Variants in NARS1 observed in about 807,000 individuals in gnomAD.
NARS1 encodes asparaginyl-tRNA synthetase 1, also known as asparagine--tRNA ligase, cytoplasmic.
NARS1 carries 65 observed loss-of-function variants against 79.2 expected under a neutral mutation model. The ratio of observed to expected loss-of-function variants is 0.82; its 90% CI spans 0.67 to 1.01. NARS1 has a LOEUF of 1.01. Among genes scored for constraint, NARS1 ranks in the 50% least tolerant of loss-of-function variants. The pLI is 0.00. For synonymous variants in NARS1, 229 were observed against 238.8 expected (o/e 0.96, Z 0.38); for missense variants, 649 against 673.8 (o/e 0.96, Z 0.41).
intron 11 of NARS1, among the ~76,000 whole-genome samples, chr18:57,603,489 T>C (rs1460238038): frequency 6.6e-6 from 1 of 151,892 alleles, no homozygotes; most frequent in Non-Finnish European, 1.5e-5. Flanking sequence ...ATAAGACAAA[T>C]AACCAATGTC....
chr18:57,613,254 G>A (rs751275936), intron 5 of NARS1, among the ~76,000 whole-genome samples: 2 of 151,858 alleles, frequency 1.3e-5, no homozygotes, highest in Non-Finnish European at 2.9e-5. Flanking sequence ...AGCACTTTGG[G>A]AGGCCAAGAC....
At chr18:57,607,954 G>A (rs1219986260) in intron 7 of NARS1, among the ~76,000 whole-genome samples, 4 of 149,152 alleles carry the variant, frequency 2.7e-5, no homozygotes, top group African/African-American at 5.0e-5. Flanking sequence ...AGCAACCTCC[G>A]CCTCCTGGGT....
intron 9 of NARS1, 52 bp from the exon 10 acceptor site, chr18:57,606,803 T>C (rs2051561905): frequency 6.2e-7 from 1 of 1,606,030 alleles, no homozygotes; most frequent in Non-Finnish European, 8.5e-7. Context: ...ACTGGTTTTT[T>C]ATCCAGCAAG....
chr18:57,621,110 T>G (rs1352441247), intron 1 of NARS1, among the ~76,000 whole-genome samples: 8 of 152,254 alleles, frequency 5.3e-5, no homozygotes, highest in Non-Finnish European at 1.0e-4. Flanking sequence ...AAATCAGATA[T>G]CCCAGTGCCA....
intron 7 of NARS1, among the ~76,000 whole-genome samples, chr18:57,608,068 A>G (rs1352055626): frequency 2.0e-5 from 3 of 149,798 alleles, no homozygotes; most frequent in African/African-American, 7.3e-5. Flanking sequence ...GGGTTTCACC[A>G]TGTTGGCAAA....
At chr18:57,610,540 G>C (rs1430391103) in intron 6 of NARS1, among the ~76,000 whole-genome samples, 1 of 152,148 alleles carries the variant, frequency 6.6e-6, no homozygotes, top group Non-Finnish European at 1.5e-5. Flanking sequence ...AAAGAACACA[G>C]CTTTGCCCAT....
chr18:57,609,430 T>C lies in NARS1; in HGVS notation c.506A>G (p.Asn169Ser), dbSNP rs576594488. 168 of 1,613,530 alleles carry C rather than the reference T, an allele frequency of 1.0e-4. No individual in the cohort carries two copies. The highest frequency in any genetic ancestry group is 1.6e-4 in the Middle Eastern group (1 of 6,082). Residue 169 changes from asparagine to serine, a missense_variant, in exon 7 of 14, where the codon AAT becomes AGT. Physicochemically the swap from Asn to Ser is conservative, Grantham distance 46 (BLOSUM62 1). Coordinates refer to ENST00000256854, the MANE Select transcript of NARS1 (RefSeq NM_004539.4). ...GCTCTCCGTGGACAAGAGAACTCCATTGTAGCACTGACACTATAAAAAGGT... is the reference window on the plus strand; with the variant it reads ...GCTCTCCGTGGACAAGAGAACTCCACTGTAGCACTGACACTATAAAAAGGT... Reference protein sequence around the residue: ...VLADELCQCYNGVLLSTESSV... With the variant: ...VLADELCQCYSGVLLSTESSV...
intron 11 of NARS1, 103 bp downstream of exon 11, chr18:57,605,754 T>C: frequency 1.3e-6 from 1 of 745,500 alleles, no homozygotes; most frequent in East Asian, 2.8e-5. Context: ...TACCATTTAT[T>C]TGAGGACAGG....
intron 4 of NARS1, among the ~76,000 whole-genome samples, chr18:57,614,904 G>A (rs2051635048): frequency 6.6e-6 from 1 of 152,126 alleles, no homozygotes; most frequent in Non-Finnish European, 1.5e-5. Context: ...GGCCAGGCAT[G>A]GTGGCTCACG....
At chr18:57,607,751 G>A in intron 7 of NARS1, 86 bp from the exon 8 acceptor site, 6 of 1,155,736 alleles carry the variant, frequency 5.2e-6, no homozygotes, top group Non-Finnish European at 7.2e-6. Flanking sequence ...TTATGTCAAA[G>A]TTTTGGTAAG....
rs1414623522 is a variant in NARS1, at chr18:57,609,379, T to A, written c.557A>T (p.Asn186Ile). 6.2e-7 allele frequency: 1 copy of A among 1,613,990 alleles called. No homozygotes were observed. The highest frequency in any genetic ancestry group is 1.3e-5 in the African/African-American group (1 of 75,056). ...CACCTGCTTGCCCTTTGGGGTAAGA[T>A]TTAGCATTCCATACACTGCAACACT... ...ESSVAVYGML[N>I]LTPKGKQAPG... is the part of the protein sequence containing the mutation. The change falls in exon 7 of 14, where the codon AAT becomes ATT. Residue 186 changes from asparagine to isoleucine, a missense_variant. Transcript: ENST00000256854.
chr18:57,607,136 A>G lies in NARS1; in HGVS notation c.999T>C (p.Ala333=). 6.2e-7 allele frequency: 1 copy of G among 1,610,028 alleles called. No homozygotes were observed. The highest frequency in any genetic ancestry group is 8.5e-7 in the Non-Finnish European group (1 of 1,177,680). Reference sequence around the variant, plus strand: ...AAAACAAAAAGACAACTTCATACTCAGCCAGGTGCCTTCGTGTTCTGGACT... The same window carrying G: ...AAAACAAAAAGACAACTTCATACTCGGCCAGGTGCCTTCGTGTTCTGGACT... ...AEQSRTRRHL[A]EYTHVEAECP... The change falls in exon 9 of 14, where the codon GCT becomes GCC. Residue 333 remains alanine (A), a splice_region_variant and synonymous_variant. Coordinates refer to ENST00000256854, the MANE Select transcript of NARS1 (RefSeq NM_004539.4).
In NARS1 at chr18:57,601,103, C is replaced by A. The variant is rs1160839738; in HGVS notation, c.*549G>T. The A allele has an allele frequency of 6.6e-6, 1 of 152,198 alleles. No homozygotes were observed. The highest frequency in any genetic ancestry group is 1.5e-5 in the Non-Finnish European group (1 of 68,070). The allele number at this position is 152,198 out of a possible 1,614,324, so 9.4% of individuals were successfully genotyped here. A position where few individuals can be genotyped will look rare whatever the true frequency, so the allele number is the denominator to read the frequency against. On this transcript the variant is annotated 3_prime_UTR_variant, in exon 14 of 14. Coordinates refer to ENST00000256854, the MANE Select transcript of NARS1 (RefSeq NM_004539.4). Reference sequence around the variant, plus strand: ...AAGCAGAGTTAGAAAAGATTAATAACTGATACAAAAGGCTATTCATTTGAT... The same window carrying A: ...AAGCAGAGTTAGAAAAGATTAATAAATGATACAAAAGGCTATTCATTTGAT...
intron 2 of NARS1, among the ~76,000 whole-genome samples, chr18:57,618,490 G>A (rs549899510): frequency 1.3e-5 from 2 of 152,138 alleles, no homozygotes; most frequent in Non-Finnish European, 2.9e-5. Flanking sequence ...GTGACATTCT[G>A]TTGTTAACAG....
intron 1 of NARS1, 48 bp downstream of exon 1, chr18:57,621,660 T>G: frequency 6.4e-7 from 1 of 1,570,340 alleles, no homozygotes; most frequent in Non-Finnish European, 8.8e-7. Flanking sequence ...GGAGCAGAGT[T>G]CCTGCCCCAG....
At chr18:57,615,067 C>A (rs7243062) in intron 4 of NARS1, among the ~76,000 whole-genome samples, 5 of 151,920 alleles carry the variant, frequency 3.3e-5, no homozygotes, top group Admixed American at 1.3e-4. Context: ...TGTGGTCCCC[C>A]CTACTTGGGA....
intron 6 of NARS1, among the ~76,000 whole-genome samples, chr18:57,611,152 A>G (rs1298060547): frequency 6.6e-6 from 1 of 151,778 alleles, no homozygotes; most frequent in African/African-American, 2.4e-5. Context: ...TTTTTTGTAG[A>G]GATAGGATTT....
rs1356214113 is a variant in NARS1 at position 57,613,431 on chromosome 18, T to TGCA, written c.421+168_421+170dup. The stretch of plus-strand genomic sequence containing the variant: ...TTGCTTGAACCTGAGAGGCGGAGGT[T>TGCA]GCAGTGAGCCGAGATAGCACCACTG... On this transcript the variant is annotated intron_variant, in intron 5 of 13. Coordinates refer to ENST00000256854, the MANE Select transcript of NARS1 (RefSeq NM_004539.4). Among the ~76,000 whole-genome samples, 4 of 152,072 alleles carry TGCA rather than the reference T, an allele frequency of 2.6e-5. No individual in the cohort carries two copies. In the East Asian group the frequency reaches 5.8e-4, roughly 22 times the overall value.
chr18:57,608,651 T>C (rs1297175031), intron 7 of NARS1, among the ~76,000 whole-genome samples: 3 of 152,210 alleles, frequency 2.0e-5, no homozygotes, highest in Admixed American at 2.0e-4. Context: ...ACCTGAGTTG[T>C]ACAATGTACA....
Sources: gnomAD v4.1 joint callset for allele counts (sites outside exome capture counted in the v4.1 genomes callset) on GRCh38, gnomAD v4.1.1 for gene constraint, MANE v1.5 for transcripts, NCBI Gene and HGNC (gene_info 2026-07-23, HGNC 2026-07-21) for gene names.